P2RY8: variants seen among roughly 807,000 people sequenced by gnomAD.
The protein encoded by P2RY8 is S-geranylgeranyl-glutathione receptor P2RY8.
P2RY8 carries 6 observed loss-of-function variants against 10.0 expected under a neutral mutation model. That is an observed-to-expected ratio of 0.60 (90% CI 0.33 to 1.19). The LOEUF is 1.19. Among genes scored for constraint, P2RY8 ranks in the 50% most tolerant of loss-of-function variants. P2RY8 has a pLI of 0.04. For synonymous variants in P2RY8, 276 were observed against 252.5 expected (o/e 1.09, Z -0.88); for missense variants, 456 against 542.0 (o/e 0.84, Z 1.58).
chrX:1,494,414 G>C (rs1361510341), intron 1 of P2RY8: 1 of 152,210 alleles, frequency 6.6e-6, no homozygotes, highest in African/African-American at 2.4e-5. Context: ...AAACTGGCCA[G>C]AGCAACAATA....
At chrX:1,506,285 G>T (rs1375046939) in intron 1 of P2RY8, among the ~76,000 whole-genome samples, 1 of 152,062 alleles carries the variant, frequency 6.6e-6, no homozygotes, top group Non-Finnish European at 1.5e-5. Context: ...GAGCCACCAT[G>T]CCTGATGCTT....
At chrX:1,509,619 A>C (rs111161769) in intron 1 of P2RY8, among the ~76,000 whole-genome samples, 49,080 of 134,226 alleles carry the variant, frequency 0.37, 8,257 homozygotes, top group Middle Eastern at 0.51. Context: ...TGTATCTATC[A>C]TGTATGTATC....
chrX:1,529,000 C>T (rs1296715201), intron 1 of P2RY8, among the ~76,000 whole-genome samples: 1 of 152,132 alleles, frequency 6.6e-6, no homozygotes, highest in Non-Finnish European at 1.5e-5. Context: ...GTATAAATGA[C>T]GCTCCCCATT....
intron 1 of P2RY8, among the ~76,000 whole-genome samples, chrX:1,471,570 G>A (rs1460235483): frequency 6.6e-6 from 1 of 151,710 alleles, no homozygotes; most frequent in South Asian, 2.1e-4. Context: ...GCCTCCCAAA[G>A]TGCTGGGATG....
chrX:1,476,478 T>G (rs2091875061), intron 1 of P2RY8, among the ~76,000 whole-genome samples: 1 of 150,978 alleles, frequency 6.6e-6, no homozygotes, highest in South Asian at 2.1e-4. Flanking sequence ...TCCCAGCTAC[T>G]CGGGAGGCTG....
chrX:1,514,324 C>G (rs1442178379), intron 1 of P2RY8, among the ~76,000 whole-genome samples: 1 of 139,224 alleles, frequency 7.2e-6, no homozygotes, highest in Admixed American at 7.0e-5. Flanking sequence ...CCTTTCCTTT[C>G]CATTTCTTTC....
Position 1,464,799 on chromosome X carries a change from G to A in P2RY8, c.*680C>T, listed in dbSNP as rs1406849233. ...AGCAACAGGGTGGGGTGTGTGTGTGGGGGGAAGTGGGCACGGAGAGTAGCT... is the reference window on the plus strand; with the variant it reads ...AGCAACAGGGTGGGGTGTGTGTGTGAGGGGAAGTGGGCACGGAGAGTAGCT... On this transcript the variant is annotated 3_prime_UTR_variant, in exon 2 of 2. Coordinates refer to ENST00000381297, the MANE Select transcript of P2RY8 (RefSeq NM_178129.5). The A allele has an allele frequency of 1.7e-5, 4 of 230,874 alleles. No individual in the cohort carries two copies. Among genetic ancestry groups the A allele is most frequent in the Non-Finnish European group, 2.6e-5 (3 of 116,872 alleles). 14.3% of individuals were successfully genotyped at this position (230,874 alleles called of 1,614,324 possible).
intron 1 of P2RY8, among the ~76,000 whole-genome samples, chrX:1,477,198 A>AG (rs1202171902): frequency 0.51 from 75,638 of 147,592 alleles, 19,427 homozygotes; most frequent in South Asian, 0.63. Context: ...CAAAAAAAAA[A>AG]AAAGAAGAAG....
chrX:1,527,354 A>C (rs1383048633), intron 1 of P2RY8, among the ~76,000 whole-genome samples: 1 of 151,930 alleles, frequency 6.6e-6, no homozygotes. Flanking sequence ...CCATCCACTT[A>C]TCCATACATC....
At chrX:1,467,433 A>C (rs377481819) in intron 1 of P2RY8, among the ~76,000 whole-genome samples, 2 of 152,134 alleles carry the variant, frequency 1.3e-5, no homozygotes, top group East Asian at 3.9e-4. Flanking sequence ...ACCTACAGTT[A>C]TGCACGAGTC....
intron 1 of P2RY8, among the ~76,000 whole-genome samples, chrX:1,504,127 C>A (rs2092206666): frequency 1.3e-5 from 2 of 151,638 alleles, no homozygotes; most frequent in African/African-American, 2.4e-5. Context: ...ACCAGCCTGT[C>A]CAATATGATG....
At chrX:1,475,326 A>C (rs1389188613) in intron 1 of P2RY8, among the ~76,000 whole-genome samples, 4 of 151,974 alleles carry the variant, frequency 2.6e-5, no homozygotes, top group Non-Finnish European at 2.9e-5. Context: ...TAGATGATGC[A>C]TGGATGGATG....
At chrX:1,519,315 C>A (rs1270914198) in intron 1 of P2RY8, among the ~76,000 whole-genome samples, 4 of 151,044 alleles carry the variant, frequency 2.6e-5, no homozygotes, top group Non-Finnish European at 1.5e-5. Flanking sequence ...CAATTATCTC[C>A]TTGGTCCCTA....
In P2RY8 at chrX:1,465,841, C is replaced by T. The variant is rs754515395; in HGVS notation, c.718G>A (p.Ala240Thr). ...GTGACAAAGGCCAGCAAGACCACCG[C>T]GGCCAGGCCCACCGCGCGCCTCCGC... ...EQRRRAVGLAAVVLLAFVTCF... is the reference protein window; with the variant it reads ...EQRRRAVGLATVVLLAFVTCF... The change falls in exon 2 of 2, where the codon GCG becomes ACG. Residue 240 changes from alanine to threonine, a missense_variant. Transcript: ENST00000381297. The T allele has an allele frequency of 9.1e-5, 146 of 1,612,882 alleles. No individual in the cohort carries two copies. Among genetic ancestry groups the T allele is most frequent in the Middle Eastern group, 1.7e-4 (1 of 5,956 alleles).
At chrX:1,474,147 T>C (rs1165859599) in intron 1 of P2RY8, among the ~76,000 whole-genome samples, 2 of 150,814 alleles carry the variant, frequency 1.3e-5, no homozygotes, top group African/African-American at 2.4e-5. Context: ...GATGGGTTGA[T>C]GGGTAGATGG....
intron 1 of P2RY8, among the ~76,000 whole-genome samples, chrX:1,513,331 A>G (rs1276075946): frequency 3.9e-5 from 6 of 152,026 alleles, no homozygotes; most frequent in Non-Finnish European, 7.4e-5. Context: ...CAATAAACAT[A>G]GACCCGTGAA....
Position 1,464,857 on chromosome X carries a change from G to C in P2RY8, c.*622C>G, listed in dbSNP as rs1461914279. 1 of 233,672 alleles carries C rather than the reference G, an allele frequency of 4.3e-6. No homozygotes were observed. Among genetic ancestry groups the C allele is most frequent in the African/African-American group, 2.2e-5 (1 of 45,346 alleles). The allele number at this position is 233,672 out of a possible 1,614,324, so 14.5% of individuals were successfully genotyped here. A position where few individuals can be genotyped will look rare whatever the true frequency, so the allele number is the denominator to read the frequency against. ...AGGAGCCCCAGGCGCTCCTCTGAAA[G>C]AAGAATTCCAACCACAGCAACCACA... On this transcript the variant is annotated 3_prime_UTR_variant, in exon 2 of 2. Coordinates refer to ENST00000381297, the MANE Select transcript of P2RY8 (RefSeq NM_178129.5).
At position 1,468,139 on chromosome X, in the gene P2RY8, T is replaced by C. The variant is rs769154999; in HGVS notation, c.-24-1557A>G. 2.7e-3 allele frequency among the ~76,000 whole-genome samples: 414 copies of C among 151,406 alleles called. 2 individuals carry two copies. The highest frequency in any genetic ancestry group is 6.1e-3 in the African/African-American group (253 of 41,276). On this transcript the variant is annotated intron_variant, in intron 1 of 1. Transcript: ENST00000381297. ...TTTCTGTAGACATGGGGTTTGGCTATGTTGCCCAGGCTGGTCTCAAACTCC... is the reference window on the plus strand; with the variant it reads ...TTTCTGTAGACATGGGGTTTGGCTACGTTGCCCAGGCTGGTCTCAAACTCC...
At chrX:1,518,660 C>A (rs1484948955) in intron 1 of P2RY8, among the ~76,000 whole-genome samples, 1 of 151,608 alleles carries the variant, frequency 6.6e-6, no homozygotes, top group Non-Finnish European at 1.5e-5. Context: ...TGTCCCCAAT[C>A]TTCTCTCTGG....
Sources: gnomAD v4.1 joint callset for allele counts (sites outside exome capture counted in the v4.1 genomes callset) on GRCh38, gnomAD v4.1.1 for gene constraint, MANE v1.5 for transcripts, NCBI Gene and HGNC (gene_info 2026-07-23, HGNC 2026-07-21) for gene names.